Variants in ABCA10 observed in about 807,000 individuals in gnomAD.
ABCA10 encodes ATP binding cassette subfamily A member 10, also known as ATP-binding cassette sub-family A member 10.
Under a neutral mutation model 187.5 loss-of-function variants are expected in ABCA10, and 169 were observed. The ratio of observed to expected loss-of-function variants is 0.90; its 90% CI spans 0.80 to 1.02. ABCA10 has a LOEUF of 1.02. ABCA10 is among the 50% of genes least tolerant of loss of function. The pLI is 0.00. For synonymous variants in ABCA10, 574 were observed against 601.8 expected (o/e 0.95, Z 0.68); for missense variants, 1,727 against 1,812.4 (o/e 0.95, Z 0.86).
intron 3 of ABCA10, among the ~76,000 whole-genome samples, chr17:69,223,295 C>T (rs1042504038): frequency 5.9e-5 from 9 of 151,994 alleles, no homozygotes. Flanking sequence ...GAAAATAGTA[C>T]ACTAGAGGTA....
chr17:69,151,995 T>C (rs2074132265), intron 36 of ABCA10, 48 bp downstream of exon 36: 2 of 1,579,618 alleles, frequency 1.3e-6, no homozygotes, highest in Non-Finnish European at 1.7e-6. Flanking sequence ...TTGATGCTAA[T>C]ACTGGAAAAC....
chr17:69,177,973 A>ATTTTT (rs68149070), intron 22 of ABCA10, among the ~76,000 whole-genome samples: 1 of 49,980 alleles, frequency 2.0e-5, no homozygotes, highest in South Asian at 8.1e-4. Context: ...AAAAAAAAAA[A>ATTTTT]ATATATATAT....
At chr17:69,188,460 A>G (rs1295210982) in intron 18 of ABCA10, among the ~76,000 whole-genome samples, 1 of 151,122 alleles carries the variant, frequency 6.6e-6, no homozygotes, top group African/African-American at 2.4e-5. Flanking sequence ...AATATAATTC[A>G]AGGACTGAGT....
chr17:69,181,341 T>A (rs1355736655), intron 22 of ABCA10, among the ~76,000 whole-genome samples: 1 of 152,162 alleles, frequency 6.6e-6, no homozygotes, highest in East Asian at 1.9e-4. Flanking sequence ...ACCTAGTAAG[T>A]TGTATATGGT....
chr17:69,236,804 C>T (rs538088441), intron 1 of ABCA10, among the ~76,000 whole-genome samples: 1 of 141,384 alleles, frequency 7.1e-6, no homozygotes, highest in Admixed American at 7.0e-5. Flanking sequence ...GGAGAGTGTG[C>T]TACTGGCATC....
In ABCA10 at chr17:69,222,659, C is replaced by CCATGGT; in HGVS notation, c.67_72dup (p.Thr23_Met24dup). 1 of 1,595,494 alleles carries CCATGGT rather than the reference C, an allele frequency of 6.3e-7. No individual in the cohort carries two copies. Among genetic ancestry groups the CCATGGT allele is most frequent in the Non-Finnish European group, 8.5e-7 (1 of 1,175,570 alleles). On this transcript the variant is annotated inframe_insertion, in exon 4 of 39. Transcript: ENST00000690296. ...TGGTATTTTTTTGGAAGTTCTATAT[C>CCATGGT]CATGGTCTCTTCATCTGGTGTCCCA...
intron 9 of ABCA10, among the ~76,000 whole-genome samples, chr17:69,204,159 G>A (rs1409687747): frequency 6.6e-6 from 1 of 152,120 alleles, no homozygotes; most frequent in Non-Finnish European, 1.5e-5. Context: ...TGTACATTTG[G>A]AAAAATCTCC....
At chr17:69,153,429 CCAGCCA>C in intron 33 of ABCA10, 30 bp from the exon 34 acceptor site, 1 of 1,613,634 alleles carries the variant, frequency 6.2e-7, no homozygotes, top group South Asian at 1.1e-5. Context: ...CCGTCGGCAC[CCAGCCA>C]TGGGTGCACA....
intron 36 of ABCA10, 67 bp from the exon 37 acceptor site, chr17:69,150,130 G>A (rs1160957565): frequency 1.4e-5 from 17 of 1,175,374 alleles, no homozygotes; most frequent in Middle Eastern, 2.0e-4. Context: ...GGAATTAATA[G>A]GCAAAGTAAA....
chr17:69,241,013 C>T (rs1029468897), intron 1 of ABCA10, among the ~76,000 whole-genome samples: 3 of 152,174 alleles, frequency 2.0e-5, no homozygotes, highest in African/African-American at 4.8e-5. Flanking sequence ...TATTTATTTC[C>T]TTTGCTCACT....
chr17:69,157,002 G>A, intron 27 of ABCA10, 79 bp from the exon 28 acceptor site: 1 of 860,890 alleles, frequency 1.2e-6, no homozygotes. Flanking sequence ...CCATTTTTTT[G>A]TCACAGAAGA....
intron 19 of ABCA10, among the ~76,000 whole-genome samples, chr17:69,186,312 C>T (rs967655565): frequency 9.2e-5 from 14 of 152,046 alleles, no homozygotes; most frequent in Non-Finnish European, 1.6e-4. Context: ...AGGACAGAAA[C>T]TCCTTCATCT....
chr17:69,156,519 T>G (rs145204354), intron 28 of ABCA10, among the ~76,000 whole-genome samples: 21 of 152,234 alleles, frequency 1.4e-4, no homozygotes, highest in African/African-American at 5.1e-4. Context: ...TTTAATAAAC[T>G]GATGTTAAAT....
At chr17:69,165,410 G>T (rs2074247977) in intron 25 of ABCA10, among the ~76,000 whole-genome samples, 3 of 152,148 alleles carry the variant, frequency 2.0e-5, no homozygotes, top group African/African-American at 7.2e-5. Context: ...CAAGGATACA[G>T]TGAAGAATTA....
intron 11 of ABCA10, 128 bp from the exon 12 acceptor site, chr17:69,194,623 AT>A: frequency 1.7e-6 from 1 of 587,016 alleles, no homozygotes; most frequent in Non-Finnish European, 2.9e-6. Context: ...CCCCTATAAA[AT>A]TATACATTTA....
chr17:69,235,518 T>A (rs1400027713), intron 1 of ABCA10, among the ~76,000 whole-genome samples: 1 of 152,224 alleles, frequency 6.6e-6, no homozygotes, highest in African/African-American at 2.4e-5. Context: ...AGAAGAGTTC[T>A]GCTCTGGCTT....
chr17:69,175,836 C>T (rs2074330777), intron 22 of ABCA10: 1 of 178,358 alleles, frequency 5.6e-6, no homozygotes, highest in Admixed American at 6.1e-5. Context: ...TTTTTTTAAT[C>T]TGATAACTGA....
At position 69,207,809 on chromosome 17, in the gene ABCA10, G is replaced by C. The variant is rs1381134461; in HGVS notation, c.1007-6141C>G. On this transcript the variant is annotated intron_variant, in intron 9 of 38. Coordinates refer to ENST00000690296, the MANE Select transcript of ABCA10 (RefSeq NM_001377321.1). ...TTGGGAAGATGTTTGTTAGTCAAAG[G>C]ATACAAAGTTTTAGTTAGATAGGAG... Among the ~76,000 whole-genome samples the C allele has an allele frequency of 3.3e-5, 5 of 152,234 alleles. No homozygotes were observed. In the East Asian group the frequency reaches 9.6e-4, roughly 29 times the overall value.
intron 6 of ABCA10, 34 bp downstream of exon 6, chr17:69,219,511 G>T: frequency 7.2e-7 from 1 of 1,393,494 alleles, no homozygotes; most frequent in Non-Finnish European, 9.6e-7. Context: ...AATAATTAAT[G>T]TATGATATAC....
Sources: allele counts gnomAD v4.1 joint callset (sites outside exome capture counted in the v4.1 genomes callset), GRCh38; gene constraint gnomAD v4.1.1; transcripts MANE v1.5; gene names NCBI Gene and HGNC (gene_info 2026-07-23, HGNC 2026-07-21).